Variants in MAGT1 observed in about 807,000 individuals in gnomAD.
The protein encoded by MAGT1 is magnesium transporter 1, also known as dolichyl-diphosphooligosaccharide--protein glycosyltransferase subunit MAGT1.
MAGT1 carries 4 observed loss-of-function variants against 28.4 expected under a neutral mutation model. That is an observed-to-expected ratio of 0.14 (90% CI 0.07 to 0.32). The LOEUF (loss-of-function observed/expected upper bound fraction) is 0.32. MAGT1 is among the 10% of genes least tolerant of loss of function. The pLI is 1.00. For missense variants in MAGT1, 193 were observed against 264.5 expected (o/e 0.73, Z 1.88); for synonymous variants, 89 against 89.7 (o/e 0.99, Z 0.04).
chrX:77,874,894 G>A (rs782791078), intron 2 of MAGT1, among the ~76,000 whole-genome samples: 5 of 105,986 alleles, frequency 4.7e-5, no homozygotes, highest in African/African-American at 1.4e-4. Context: ...TCGCTCTGTC[G>A]CCCAGGCTGG....
intron 1 of MAGT1, among the ~76,000 whole-genome samples, chrX:77,893,223 G>C (rs188050638): frequency 1.8e-5 from 2 of 112,296 alleles, no homozygotes; most frequent in Non-Finnish European, 3.8e-5. Flanking sequence ...GAGGCACCAA[G>C]AAAACTTTAG....
At chrX:77,857,657 G>C (rs2076984764) in intron 3 of MAGT1, among the ~76,000 whole-genome samples, 160 bp from the exon 4 acceptor site, 1 of 111,586 alleles carries the variant, frequency 9.0e-6, no homozygotes, top group Non-Finnish European at 1.9e-5. Context: ...TGGTGGAGCA[G>C]GCTTTAAAAG....
chrX:77,886,654 T>C (rs1441871921), intron 1 of MAGT1, among the ~76,000 whole-genome samples: 1 of 103,494 alleles, frequency 9.7e-6, no homozygotes, highest in Admixed American at 1.1e-4. Flanking sequence ...ATTCCATCTC[T>C]AAAAAAAAAA....
Position 77,895,424 on chromosome X carries a change from C to T in MAGT1, c.-14G>A, listed in dbSNP as rs374235131. On this transcript the variant is annotated 5_prime_UTR_variant, in exon 1 of 10. Coordinates refer to ENST00000618282, the MANE Select transcript of MAGT1 (RefSeq NM_001367916.1). Reference sequence around the variant, plus strand: ...ACGCGCTGCCATGTTCGCTCCTCTCCCTTCTATAAGTGAAACTTTGCTCCG... The same window carrying T: ...ACGCGCTGCCATGTTCGCTCCTCTCTCTTCTATAAGTGAAACTTTGCTCCG... 5.2e-5 allele frequency: 63 copies of T among 1,208,493 alleles called. No individual in the cohort carries two copies. In the Middle Eastern group the frequency reaches 2.1e-3, roughly 39 times the overall value.
intron 3 of MAGT1, among the ~76,000 whole-genome samples, chrX:77,863,295 G>A (rs1368517839): frequency 2.7e-5 from 3 of 110,131 alleles, no homozygotes; most frequent in Admixed American, 9.8e-5. Context: ...GGCGGATCAC[G>A]AGGTCAGGAG....
intron 8 of MAGT1, among the ~76,000 whole-genome samples, chrX:77,833,232 C>T (rs782395631): frequency 3.6e-5 from 4 of 112,205 alleles, no homozygotes; most frequent in Middle Eastern, 4.6e-3. Context: ...AAACATTACA[C>T]GTGGAATGCT....
intron 7 of MAGT1, among the ~76,000 whole-genome samples, chrX:77,848,992 C>A (rs2076959641): frequency 9.2e-6 from 1 of 108,930 alleles, no homozygotes; most frequent in Non-Finnish European, 1.9e-5. Context: ...CAAGCCTGGG[C>A]AACACAAGAT....
chrX:77,845,774 T>C (rs1172328634), intron 7 of MAGT1, among the ~76,000 whole-genome samples: 3 of 112,148 alleles, frequency 2.7e-5, no homozygotes, highest in African/African-American at 9.7e-5. Context: ...CCCCACTCTC[T>C]TCTGGCTTGT....
rs1227146035 is a variant in MAGT1, at chrX:77,845,353, C to T, written c.827-4033G>A. 4.5e-5 allele frequency among the ~76,000 whole-genome samples: 5 copies of T among 111,406 alleles called. No individual in the cohort carries two copies. The East Asian group carries it at 1.4e-3, about 31-fold the overall frequency. ...GTGTGTCTCTGCACGTGAGATGGGT[C>T]TCCTGAATACAGCACACTGATGGGT... On this transcript the variant is annotated intron_variant, in intron 7 of 9. Transcript: ENST00000618282.
chrX:77,873,150 C>T (rs1200066544), intron 2 of MAGT1, among the ~76,000 whole-genome samples: 7 of 112,259 alleles, frequency 6.2e-5, no homozygotes, highest in African/African-American at 1.9e-4. Context: ...ATAGTTATTA[C>T]TTACGATTCC....
chrX:77,875,991 C>T, intron 1 of MAGT1, among the ~76,000 whole-genome samples: 1 of 106,210 alleles, frequency 9.4e-6, no homozygotes, highest in Middle Eastern at 4.9e-3. Context: ...CCACCATGCT[C>T]AGCTGATTTT....
chrX:77,833,800 C>T (rs945218196), intron 8 of MAGT1, among the ~76,000 whole-genome samples: 1 of 111,424 alleles, frequency 9.0e-6, no homozygotes, highest in Non-Finnish European at 1.9e-5. Flanking sequence ...TATATGAAAT[C>T]ACAAAAGACC....
intron 3 of MAGT1, among the ~76,000 whole-genome samples, chrX:77,859,693 C>A (rs782466683): frequency 2.7e-5 from 3 of 111,162 alleles, no homozygotes; most frequent in Non-Finnish European, 5.7e-5. Context: ...ATGGTAAAAC[C>A]CCATCTCTAC....
At chrX:77,876,162 A>AT (rs1485724526) in intron 1 of MAGT1, among the ~76,000 whole-genome samples, 25 of 37,945 alleles carry the variant, frequency 6.6e-4, no homozygotes, top group East Asian at 1.3e-3. Context: ...ATATATATAT[A>AT]TATTTTTTTT....
chrX:77,855,307 C>G (rs2076978760), intron 6 of MAGT1, among the ~76,000 whole-genome samples, 194 bp downstream of exon 6: 3 of 110,495 alleles, frequency 2.7e-5, no homozygotes, highest in Non-Finnish European at 5.7e-5. Context: ...GAGCAAATCT[C>G]CGTTTCGAAA....
chrX:77,833,599 T>C (rs782047952), intron 8 of MAGT1, among the ~76,000 whole-genome samples: 59 of 111,918 alleles, frequency 5.3e-4, no homozygotes, highest in Non-Finnish European at 1.0e-3. Flanking sequence ...AAGAACTCTA[T>C]GATGAAAACT....
chrX:77,834,199 CAT>C (rs1204450853), intron 8 of MAGT1, among the ~76,000 whole-genome samples: 5 of 95,667 alleles, frequency 5.2e-5, no homozygotes, highest in African/African-American at 1.5e-4. Context: ...TATATATATG[CAT>C]ATATATACAT....
chrX:77,884,922 C>T (rs552028715), intron 1 of MAGT1, among the ~76,000 whole-genome samples: 12 of 108,787 alleles, frequency 1.1e-4, no homozygotes, highest in Middle Eastern at 4.3e-3. Flanking sequence ...ATTAGCCGGG[C>T]GCGGTGGCGG....
chrX:77,877,705 C>T (rs1158094450), intron 1 of MAGT1, among the ~76,000 whole-genome samples: 5 of 106,472 alleles, frequency 4.7e-5, no homozygotes, highest in South Asian at 8.1e-4. Context: ...CCCAGCTACT[C>T]GGGAGGCTGA....
Sources: allele counts gnomAD v4.1 joint callset (sites outside exome capture counted in the v4.1 genomes callset), GRCh38; gene constraint gnomAD v4.1.1; transcripts MANE v1.5; gene names NCBI Gene and HGNC (gene_info 2026-07-23, HGNC 2026-07-21).